Variants in SLC16A2 observed in about 807,000 individuals in gnomAD.
The protein encoded by SLC16A2 is solute carrier family 16 member 2, also known as monocarboxylate transporter 8.
A neutral mutation model predicts 27.2 loss-of-function variants in SLC16A2; 3 were observed. The observed-to-expected ratio is 0.11, with a 90% CI of 0.05 to 0.28. SLC16A2 has a LOEUF of 0.28. SLC16A2 is among the 10% of genes least tolerant of loss of function. The pLI is 1.00. For synonymous variants in SLC16A2, 202 were observed against 187.8 expected (o/e 1.08, Z -0.62); for missense variants, 295 against 458.5 (o/e 0.64, Z 3.26).
At chrX:74,447,670 G>A (rs1186955066) in intron 1 of SLC16A2, among the ~76,000 whole-genome samples, 1 of 105,432 alleles carries the variant, frequency 9.5e-6, no homozygotes, top group Admixed American at 1.0e-4. Flanking sequence ...GTGAGAACCT[G>A]TTTCTATGTA....
In SLC16A2 at chrX:74,529,206, T is replaced by C; in HGVS notation, c.1171-7T>C. ...CACAACCTGACCTCAGGCCCTTGTTTCTCCAGGTCCTTTCCTTCCTGCTCC... is the reference window on the plus strand; with the variant it reads ...CACAACCTGACCTCAGGCCCTTGTTCCTCCAGGTCCTTTCCTTCCTGCTCC... On this transcript the variant is annotated splice_polypyrimidine_tract_variant and splice_region_variant and intron_variant, in intron 4 of 5. Transcript: ENST00000587091. The C allele has an allele frequency of 8.3e-7, 1 of 1,200,200 alleles. No homozygotes were observed. Among genetic ancestry groups the C allele is most frequent in the South Asian group, 1.8e-5 (1 of 56,176 alleles).
chrX:74,451,826 A>G (rs1928947907), intron 1 of SLC16A2, among the ~76,000 whole-genome samples: 1 of 113,118 alleles, frequency 8.8e-6, no homozygotes, highest in African/African-American at 3.2e-5. Flanking sequence ...AATGTGCCAC[A>G]CTGATCAGAT....
chrX:74,525,706 C>T (rs1930477757), intron 3 of SLC16A2, 44 bp from the exon 4 acceptor site: 1 of 1,205,155 alleles, frequency 8.3e-7, no homozygotes, highest in African/African-American at 1.8e-5. Context: ...GTCAGCTCCT[C>T]TTTCTCCTCC....
chrX:74,485,931 C>T (rs1929710149), intron 1 of SLC16A2, among the ~76,000 whole-genome samples: 1 of 110,533 alleles, frequency 9.0e-6, no homozygotes, highest in African/African-American at 3.3e-5. Context: ...CAGCTCGAGC[C>T]GTAACAAACA....
intron 1 of SLC16A2, among the ~76,000 whole-genome samples, chrX:74,487,411 T>TGGGTA (rs1569293563): frequency 9.0e-6 from 1 of 111,450 alleles, no homozygotes. Context: ...TAGGGAGAGC[T>TGGGTA]GGGTAGTCCC....
intron 1 of SLC16A2, among the ~76,000 whole-genome samples, chrX:74,443,274 G>A (rs1224632748): frequency 9.0e-6 from 1 of 111,477 alleles, no homozygotes; most frequent in Non-Finnish European, 1.9e-5. Flanking sequence ...CTCTCAAGCC[G>A]AGGGTCATCT....
intron 1 of SLC16A2, among the ~76,000 whole-genome samples, chrX:74,442,243 A>G (rs1197984995): frequency 2.7e-5 from 3 of 109,264 alleles, no homozygotes; most frequent in African/African-American, 1.0e-4. Flanking sequence ...AAAAAAAAAA[A>G]AAAAAAGAAA....
chrX:74,531,797 C>CA lies in SLC16A2; in HGVS notation c.*245dup, dbSNP rs1377512534. The CA allele has an allele frequency of 1.2e-5, 5 of 433,134 alleles. No homozygotes were observed. The highest frequency in any genetic ancestry group is 2.0e-5 in the Non-Finnish European group (5 of 247,431). The allele number at this position is 433,134 out of a possible 1,213,427, so 35.7% of individuals were successfully genotyped here. A position where few individuals can be genotyped will look rare whatever the true frequency, so the allele number is the denominator to read the frequency against. On this transcript the variant is annotated 3_prime_UTR_variant, in exon 6 of 6. Coordinates refer to ENST00000587091, the MANE Select transcript of SLC16A2 (RefSeq NM_006517.5). ...CCAGGATCTGGGAAAGCTTGGGAAC[C>CA]ACCCCTGGCCTTTGGAACCTCTCCA...
chrX:74,492,520 A>G (rs113444943), intron 1 of SLC16A2, among the ~76,000 whole-genome samples: 2 of 110,709 alleles, frequency 1.8e-5, no homozygotes, highest in Non-Finnish European at 3.8e-5. Flanking sequence ...TGTTTGGAGA[A>G]GGAACTCTGC....
chrX:74,503,646 G>A (rs751060567), intron 1 of SLC16A2, among the ~76,000 whole-genome samples: 1 of 111,929 alleles, frequency 8.9e-6, no homozygotes, highest in East Asian at 2.8e-4. Flanking sequence ...TGGAGGGTCA[G>A]AAGACCCAAA....
rs1930453486 is a variant in SLC16A2 at position 74,524,231 on chromosome X, T to G, written c.576-128T>G. 4.6e-6 allele frequency: 3 copies of G among 656,990 alleles called. No individual in the cohort carries two copies. In the East Asian group the frequency reaches 1.0e-4, roughly 23 times the overall value. 54.1% of individuals were successfully genotyped at this position (656,990 alleles called of 1,213,427 possible). Reference sequence around the variant, plus strand: ...AGAAGGCCCTCTTCTTTGTCTGTTCTGAGGGTCAGTGGCAAGTGGGGCTGT... The same window carrying G: ...AGAAGGCCCTCTTCTTTGTCTGTTCGGAGGGTCAGTGGCAAGTGGGGCTGT... On this transcript the variant is annotated intron_variant, in intron 2 of 5. Transcript: ENST00000587091.
At position 74,466,555 on chromosome X, in the gene SLC16A2, C is replaced by T. The variant is rs192336916; in HGVS notation, c.430+44488C>T. 5.3e-5 allele frequency among the ~76,000 whole-genome samples: 6 copies of T among 112,171 alleles called. No homozygotes were observed. In the East Asian group the frequency reaches 1.4e-3, roughly 26 times the overall value. On this transcript the variant is annotated intron_variant, in intron 1 of 5. Transcript: ENST00000587091. ...AAATGCTATGCAAATAGTTGTTATACTATATTGTTTAAGGAGTAATGACAA... is the reference window on the plus strand; with the variant it reads ...AAATGCTATGCAAATAGTTGTTATATTATATTGTTTAAGGAGTAATGACAA...
chrX:74,513,418 T>C lies in SLC16A2; in HGVS notation c.431-7572T>C, dbSNP rs1299664265. The stretch of plus-strand genomic sequence containing the variant: ...TCCTAGCTTTGAGTCCAAGAATTGT[T>C]AGAATTCTAGAAAACCTCTACCTAC... On this transcript the variant is annotated intron_variant, in intron 1 of 5. Transcript: ENST00000587091. Among the ~76,000 whole-genome samples the C allele has an allele frequency of 8.0e-5, 9 of 111,848 alleles. No homozygotes were observed. The East Asian group carries it at 2.2e-3, about 28-fold the overall frequency.
intron 1 of SLC16A2, among the ~76,000 whole-genome samples, chrX:74,448,560 T>A (rs1928881784): frequency 9.0e-6 from 1 of 110,908 alleles, no homozygotes; most frequent in Non-Finnish European, 1.9e-5. Context: ...TCCAAGTCCT[T>A]GAGCTTGATC....
chrX:74,433,505 A>G (rs1469823730), intron 1 of SLC16A2, among the ~76,000 whole-genome samples: 1 of 109,075 alleles, frequency 9.2e-6, no homozygotes, highest in Non-Finnish European at 1.9e-5. Flanking sequence ...CAGCCCATGC[A>G]CCCCTCCCTC....
chrX:74,481,072 G>C (rs754657411), intron 1 of SLC16A2, among the ~76,000 whole-genome samples: 18 of 112,183 alleles, frequency 1.6e-4, no homozygotes, highest in Non-Finnish European at 3.0e-4. Context: ...ACATTCCTGG[G>C]ATAAACCCCA....
chrX:74,471,480 T>C (rs1435266196), intron 1 of SLC16A2, among the ~76,000 whole-genome samples: 1 of 111,937 alleles, frequency 8.9e-6, no homozygotes, highest in Non-Finnish European at 1.9e-5. Flanking sequence ...TTGTCAATGT[T>C]ATTTGTCTTT....
At chrX:74,463,116 G>A (rs151142040) in intron 1 of SLC16A2, among the ~76,000 whole-genome samples, 1,218 of 111,623 alleles carry the variant, frequency 0.011, 20 homozygotes, top group African/African-American at 0.037. Flanking sequence ...GACTACTGCA[G>A]AGGGAGAGGA....
chrX:74,502,528 G>A (rs1215930260), intron 1 of SLC16A2, among the ~76,000 whole-genome samples: 1 of 112,206 alleles, frequency 8.9e-6, no homozygotes, highest in African/African-American at 3.2e-5. Context: ...AGGCTCTCTG[G>A]ATATTTGTAA....
Sources: gnomAD v4.1 joint callset for allele counts (sites outside exome capture counted in the v4.1 genomes callset) on GRCh38, gnomAD v4.1.1 for gene constraint, MANE v1.5 for transcripts, NCBI Gene and HGNC (gene_info 2026-07-23, HGNC 2026-07-21) for gene names.